The following ITFG1 variants were observed in gnomAD, a reference collection of about 807,000 sequenced individuals.
ITFG1 encodes integrin alpha FG-GAP repeat containing 1.
ITFG1 carries 34 observed loss-of-function variants against 81.8 expected under a neutral mutation model. The observed-to-expected ratio is 0.42, with a 90% CI of 0.32 to 0.55. The LOEUF (loss-of-function observed/expected upper bound fraction) is 0.55, where lower values mean the gene tolerates loss of function less well. ITFG1 is among the 20% of genes least tolerant of loss of function. The pLI, the probability that ITFG1 is intolerant of heterozygous loss-of-function variation, is 0.17. For missense variants in ITFG1, 672 were observed against 755.4 expected (o/e 0.89, Z 1.29); for synonymous variants, 285 against 270.6 (o/e 1.05, Z -0.52).
At position 47,154,710 on chromosome 16, in the gene ITFG1, A is replaced by T. The variant is rs1313548339; in HGVS notation, c.*1009T>A. On this transcript the variant is annotated 3_prime_UTR_variant, in exon 18 of 18. Transcript: ENST00000320640. ...TTTGAGAATAGAAATGTGATTGAAG[A>T]TTTGCATTCCCAGATGCTGCCTACA... 2 of 152,206 alleles carry T rather than the reference A, an allele frequency of 1.3e-5. No individual in the cohort carries two copies. Among genetic ancestry groups the T allele is most frequent in the Non-Finnish European group, 2.9e-5 (2 of 68,034 alleles). 9.4% of individuals were successfully genotyped at this position (152,206 alleles called of 1,614,324 possible). A position where few individuals can be genotyped will look rare whatever the true frequency, so the allele number is the denominator to read the frequency against.
At chr16:47,269,862 A>G (rs1966318234) in intron 10 of ITFG1, among the ~76,000 whole-genome samples, 2 of 152,312 alleles carry the variant, frequency 1.3e-5, no homozygotes, top group South Asian at 2.1e-4. Context: ...GAGGGCATAT[A>G]CTATCTGAAT....
intron 13 of ITFG1, among the ~76,000 whole-genome samples, chr16:47,221,609 G>C (rs1001822982): frequency 1.3e-5 from 2 of 152,158 alleles, no homozygotes; most frequent in African/African-American, 4.8e-5. Flanking sequence ...AAATGAGTTA[G>C]GGAGGATTCC....
At chr16:47,243,892 G>A (rs1334581118) in intron 12 of ITFG1, among the ~76,000 whole-genome samples, 11 of 152,292 alleles carry the variant, frequency 7.2e-5, no homozygotes, top group African/African-American at 2.6e-4. Flanking sequence ...TCAGCCGGGA[G>A]TGGTGGCAGG....
chr16:47,425,179 A>T (rs1009034922), intron 6 of ITFG1, among the ~76,000 whole-genome samples: 2 of 152,176 alleles, frequency 1.3e-5, no homozygotes, highest in African/African-American at 4.8e-5. Flanking sequence ...GTCAAGCTGC[A>T]GCATCGCAGG....
intron 13 of ITFG1, among the ~76,000 whole-genome samples, chr16:47,234,372 T>C (rs1246579674): frequency 1.3e-5 from 2 of 152,168 alleles, no homozygotes; most frequent in Non-Finnish European, 2.9e-5. Flanking sequence ...GATGGACTCA[T>C]TGGTAGATTG....
intron 12 of ITFG1, among the ~76,000 whole-genome samples, chr16:47,244,150 T>A (rs1010330904): frequency 4.6e-5 from 7 of 152,232 alleles, no homozygotes; most frequent in African/African-American, 1.7e-4. Flanking sequence ...GCCTTATGCA[T>A]CTCTTCCATC....
At chr16:47,436,987 G>A (rs750156068) in intron 5 of ITFG1, among the ~76,000 whole-genome samples, 11 of 152,076 alleles carry the variant, frequency 7.2e-5, no homozygotes, top group African/African-American at 1.2e-4. Context: ...AGTAAAAGTA[G>A]GCTAATAAAG....
chr16:47,301,017 C>A (rs2151559572), intron 10 of ITFG1, among the ~76,000 whole-genome samples: 1 of 152,252 alleles, frequency 6.6e-6, no homozygotes. Context: ...TTTTATATTT[C>A]CTTTCAGCCC....
At chr16:47,309,046 T>G (rs1967215077) in intron 10 of ITFG1, among the ~76,000 whole-genome samples, 1 of 151,750 alleles carries the variant, frequency 6.6e-6, no homozygotes, top group Admixed American at 6.6e-5. Flanking sequence ...CTCAACATAA[T>G]GATACATTAT....
intron 14 of ITFG1, among the ~76,000 whole-genome samples, chr16:47,203,838 G>C (rs1459418059): frequency 6.6e-6 from 1 of 152,158 alleles, no homozygotes; most frequent in Non-Finnish European, 1.5e-5. Context: ...GATTCATAGA[G>C]ACTGAAGGTA....
At chr16:47,385,008 T>C (rs1968442589) in intron 6 of ITFG1, among the ~76,000 whole-genome samples, 1 of 152,204 alleles carries the variant, frequency 6.6e-6, no homozygotes, top group African/African-American at 2.4e-5. Flanking sequence ...ATACATACTA[T>C]TGGAACAGAG....
chr16:47,286,851 A>G (rs780503047), intron 10 of ITFG1, among the ~76,000 whole-genome samples: 2 of 152,100 alleles, frequency 1.3e-5, no homozygotes, highest in Non-Finnish European at 2.9e-5. Context: ...TACTATCCCT[A>G]TTGTATTCAT....
intron 6 of ITFG1, among the ~76,000 whole-genome samples, chr16:47,426,638 A>C (rs1415575072): frequency 6.6e-6 from 1 of 151,758 alleles, no homozygotes. Flanking sequence ...TTCATAAAAA[A>C]TTTACTAGAT....
intron 7 of ITFG1, among the ~76,000 whole-genome samples, chr16:47,374,784 A>G (rs1284694976): frequency 6.6e-6 from 1 of 152,146 alleles, no homozygotes; most frequent in Admixed American, 6.5e-5. Flanking sequence ...AAAAAAAAAG[A>G]ATCAAATTGC....
chr16:47,455,895 G>A (rs1447832129), intron 2 of ITFG1, among the ~76,000 whole-genome samples: 2 of 151,294 alleles, frequency 1.3e-5, no homozygotes, highest in African/African-American at 4.9e-5. Flanking sequence ...TAAGATAAAG[G>A]AATAAAGGAT....
At chr16:47,408,450 A>G (rs1360149118) in intron 6 of ITFG1, among the ~76,000 whole-genome samples, 1 of 152,222 alleles carries the variant, frequency 6.6e-6, no homozygotes, top group Non-Finnish European at 1.5e-5. Flanking sequence ...GTGAGGCTAA[A>G]GGCCATGTAA....
At chr16:47,163,277 A>T (rs945291270) in intron 14 of ITFG1, among the ~76,000 whole-genome samples, 7 of 152,172 alleles carry the variant, frequency 4.6e-5, no homozygotes, top group Non-Finnish European at 7.4e-5. Context: ...CTCCATACAC[A>T]TGAGAAGCCA....
At chr16:47,334,763 C>G in intron 8 of ITFG1, among the ~76,000 whole-genome samples, 1 of 152,086 alleles carries the variant, frequency 6.6e-6, no homozygotes, top group Non-Finnish European at 1.5e-5. Context: ...AGACAGGTCC[C>G]ATTTTATGAT....
intron 13 of ITFG1, among the ~76,000 whole-genome samples, chr16:47,237,529 A>T (rs1965890120): frequency 6.6e-6 from 1 of 152,226 alleles, no homozygotes; most frequent in South Asian, 2.1e-4. Flanking sequence ...ACATTCTATT[A>T]GACAGCAAGT....
Sources: allele counts gnomAD v4.1 joint callset (sites outside exome capture counted in the v4.1 genomes callset), GRCh38; gene constraint gnomAD v4.1.1; transcripts MANE v1.5; gene names NCBI Gene and HGNC (gene_info 2026-07-23, HGNC 2026-07-21).